Variants in PHACTR4 observed in about 807,000 individuals in gnomAD.
The protein encoded by PHACTR4 is protein phosphatase 1, regulatory subunit 124.
PHACTR4 carries 51 observed loss-of-function variants against 72.7 expected under a neutral mutation model. That is an observed-to-expected ratio of 0.70 (90% CI 0.56 to 0.89). The LOEUF (loss-of-function observed/expected upper bound fraction) is 0.89. Ranked by LOEUF, PHACTR4 falls within the 40% of genes least tolerant of loss-of-function variation. PHACTR4 has a pLI of 0.00. For missense variants in PHACTR4, 731 were observed against 861.8 expected, an observed-to-expected ratio of 0.85 and a Z score of 1.90; for synonymous variants, 255 against 302.5, an observed-to-expected ratio of 0.84 and a Z score of 1.63.
intron 2 of PHACTR4, among the ~76,000 whole-genome samples, chr1:28,417,587 G>A (rs762299437): frequency 1.3e-5 from 2 of 152,044 alleles, no homozygotes; most frequent in African/African-American, 2.4e-5. Flanking sequence ...GAGCAGGATG[G>A]CATGAGATTT....
At position 28,466,512 on chromosome 1, in the gene PHACTR4, C is replaced by T; in HGVS notation, c.567C>T (p.Ala189=). Residue 189 remains alanine (A), a synonymous_variant, in exon 6 of 14, where the codon GCC becomes GCT. Coordinates refer to ENST00000373839, the MANE Select transcript of PHACTR4 (RefSeq NM_001048183.3). Reference sequence around the variant, plus strand: ...CAAGTGAAGGGCAAGCAAAGGATGCCACTTCCTCTGGCGGCACGGCAAGGT... The same window carrying T: ...CAAGTGAAGGGCAAGCAAAGGATGCTACTTCCTCTGGCGGCACGGCAAGGT... ...HEASEGQAKD[A]TSSGGTARFI... 6.2e-7 allele frequency: 1 copy of T among 1,614,112 alleles called. No individual in the cohort carries two copies. Among genetic ancestry groups the T allele is most frequent in the Admixed American group, 1.7e-5 (1 of 59,992 alleles).
At chr1:28,462,895 A>C (rs995667310) in intron 4 of PHACTR4, among the ~76,000 whole-genome samples, 1 of 152,156 alleles carries the variant, frequency 6.6e-6, no homozygotes, top group Non-Finnish European at 1.5e-5. Flanking sequence ...AGTCCTCTGC[A>C]TACTTAAAGG....
At chr1:28,376,392 C>G (rs72661724) in intron 1 of PHACTR4, among the ~76,000 whole-genome samples, 57,449 of 150,692 alleles carry the variant, frequency 0.38, 12,578 homozygotes, top group African/African-American at 0.6. Context: ...GCTCACTGAA[C>G]CCTTGACCTC....
intron 2 of PHACTR4, among the ~76,000 whole-genome samples, chr1:28,451,765 T>C (rs1172763051): frequency 6.6e-6 from 1 of 151,884 alleles, no homozygotes; most frequent in East Asian, 1.9e-4. Context: ...TGCCCCAGCC[T>C]CCCAAGTAGC....
intron 1 of PHACTR4, among the ~76,000 whole-genome samples, chr1:28,381,896 C>T (rs1652199497): frequency 6.6e-6 from 1 of 152,052 alleles, no homozygotes; most frequent in Admixed American, 6.6e-5. Flanking sequence ...CTTCAGCCTC[C>T]TGAGTAGCTG....
rs35369238 is a variant in PHACTR4 at position 28,476,772 on chromosome 1, C to CTTT, written c.1606+494_1606+496dup. Among the ~76,000 whole-genome samples, 462 of 98,440 alleles carry CTTT rather than the reference C, an allele frequency of 4.7e-3. 36 individuals carry two copies. Among genetic ancestry groups the CTTT allele is most frequent in the African/African-American group, 0.019 (400 of 20,550 alleles). 64.6% of individuals were successfully genotyped at this position (98,440 alleles called of 152,430 possible). A position where few individuals can be genotyped will look rare whatever the true frequency, so the allele number is the denominator to read the frequency against. On this transcript the variant is annotated intron_variant, in intron 8 of 13. Coordinates refer to ENST00000373839, the MANE Select transcript of PHACTR4 (RefSeq NM_001048183.3). ...GTCTCGTTAGGTTGCCTAGCCTGTTCTTTTTTTTTTTTTTTGAGACGGAGT... is the reference window on the plus strand; with the variant it reads ...GTCTCGTTAGGTTGCCTAGCCTGTTCTTTTTTTTTTTTTTTTTTGAGACGGAGT...
intron 2 of PHACTR4, among the ~76,000 whole-genome samples, chr1:28,439,499 A>G (rs1262993239): frequency 6.6e-6 from 1 of 152,206 alleles, no homozygotes; most frequent in Non-Finnish European, 1.5e-5. Context: ...TCACAAAGTG[A>G]GTCATTCAGC....
chr1:28,476,663 C>T (rs1356058619), intron 8 of PHACTR4, among the ~76,000 whole-genome samples: 1 of 151,516 alleles, frequency 6.6e-6, no homozygotes, highest in African/African-American at 2.4e-5. Flanking sequence ...GCCTCAACCT[C>T]CCAAATAGCT....
intron 2 of PHACTR4, among the ~76,000 whole-genome samples, chr1:28,436,553 G>A (rs1656650108): frequency 6.6e-6 from 1 of 152,178 alleles, no homozygotes; most frequent in Non-Finnish European, 1.5e-5. Context: ...TTGTGGTGAT[G>A]ATTAAATGCA....
At chr1:28,431,196 AATAT>A (rs369455985) in intron 2 of PHACTR4, among the ~76,000 whole-genome samples, 1 of 128,286 alleles carries the variant, frequency 7.8e-6, no homozygotes, top group African/African-American at 2.9e-5. Context: ...AAAAAACCAA[AATAT>A]ATATATATAT....
intron 1 of PHACTR4, among the ~76,000 whole-genome samples, chr1:28,394,384 AAAG>A (rs549507639): frequency 9.2e-5 from 14 of 152,082 alleles, no homozygotes; most frequent in African/African-American, 1.2e-4. Flanking sequence ...AAAAAAAAGA[AAAG>A]AAATCCTCCT....
chr1:28,466,562 C>T lies in PHACTR4; in HGVS notation c.617C>T (p.Thr206Ile), dbSNP rs1021417912. ...TTCATCATCTCCACCTCCATCACCA[C>T]AGCACCCGCTGCCACCACTGCTGCC... ...ARFIISTSIT[T>I]APAATTAATS... Residue 206 changes from threonine (T) to isoleucine (I), a missense_variant, in exon 6 of 14, where the codon ACA becomes ATA. Physicochemically the swap from Thr to Ile is moderately conservative, Grantham distance 89. Around this residue, in one of 2 missense-constraint regions of PHACTR4, gnomAD observed 621 missense variants for 676.6 expected, o/e 0.92. Transcript: ENST00000373839. The T allele has an allele frequency of 1.2e-6, 2 of 1,614,036 alleles. No homozygotes were observed. The highest frequency in any genetic ancestry group is 2.7e-5 in the African/African-American group (2 of 74,918).
chr1:28,447,929 A>G (rs1366493938), intron 2 of PHACTR4, among the ~76,000 whole-genome samples: 2 of 152,132 alleles, frequency 1.3e-5, no homozygotes, highest in Admixed American at 1.3e-4. Flanking sequence ...TGCTTTGTTC[A>G]TTAGTGGCAG....
chr1:28,408,925 C>T (rs1390229962), intron 2 of PHACTR4, among the ~76,000 whole-genome samples: 1 of 151,518 alleles, frequency 6.6e-6, no homozygotes, highest in African/African-American at 2.4e-5. Context: ...AGGGATCCAC[C>T]TGCCTTGGCC....
In PHACTR4 at chr1:28,489,731, A is replaced by G. The variant is rs142888247; in HGVS notation, c.1816+506A>G. Reference sequence around the variant, plus strand: ...GTCTGTGTACATAATTAATTTCCTGAAATAGCATTCTAATCTAGTACATAT... The same window carrying G: ...GTCTGTGTACATAATTAATTTCCTGGAATAGCATTCTAATCTAGTACATAT... On this transcript the variant is annotated intron_variant, in intron 10 of 13. Transcript: ENST00000373839. 4 of 516,338 alleles carry G rather than the reference A, an allele frequency of 7.7e-6. No homozygotes were observed. The East Asian group carries it at 2.2e-4, about 28-fold the overall frequency. 32.0% of individuals were successfully genotyped at this position (516,338 alleles called of 1,614,324 possible). A position where few individuals can be genotyped will look rare whatever the true frequency, so the allele number is the denominator to read the frequency against.
At chr1:28,455,731 G>A (rs1658342279) in intron 2 of PHACTR4, among the ~76,000 whole-genome samples, 1 of 152,134 alleles carries the variant, frequency 6.6e-6, no homozygotes, top group Non-Finnish European at 1.5e-5. Context: ...CAAGTATTTG[G>A]ACAGATTTCG....
intron 6 of PHACTR4, among the ~76,000 whole-genome samples, chr1:28,469,107 C>T (rs1189072471): frequency 1.3e-5 from 2 of 152,160 alleles, no homozygotes; most frequent in African/African-American, 4.8e-5. Flanking sequence ...TTAAAGGACT[C>T]TCTTTTATTC....
chr1:28,391,092 C>T (rs1010066963), intron 1 of PHACTR4, among the ~76,000 whole-genome samples: 6 of 129,178 alleles, frequency 4.6e-5, no homozygotes, highest in Non-Finnish European at 8.2e-5. Context: ...GAGTGAGACC[C>T]TGTCTAAAAA....
Position 28,496,468 on chromosome 1 carries a change from C to G in PHACTR4, c.2094-66C>G, listed in dbSNP as rs1278655006. On this transcript the variant is annotated intron_variant, in intron 13 of 13. Coordinates refer to ENST00000373839, the MANE Select transcript of PHACTR4 (RefSeq NM_001048183.3). Reference sequence around the variant, plus strand: ...AATTAGGTATAACATTTCATTACTACTGATACATTAATAGCAAAGCAATGT... The same window carrying G: ...AATTAGGTATAACATTTCATTACTAGTGATACATTAATAGCAAAGCAATGT... 20 of 1,545,302 alleles carry G rather than the reference C, an allele frequency of 1.3e-5. No individual in the cohort carries two copies. The Admixed American group carries it at 2.3e-4, about 18-fold the overall frequency.
Sources: allele counts gnomAD v4.1 joint callset (sites outside exome capture counted in the v4.1 genomes callset), GRCh38; gene constraint gnomAD v4.1.1; regional missense constraint gnomAD v4.1.1; transcripts MANE v1.5; gene names NCBI Gene and HGNC (gene_info 2026-07-23, HGNC 2026-07-21).